The following CSMD3 variants were observed in gnomAD, a reference collection of about 807,000 sequenced individuals.
The protein encoded by CSMD3 is CUB and sushi domain-containing protein 3.
In CSMD3, 177 loss-of-function variants were observed where a neutral mutation model predicts 435.2. That is an observed-to-expected ratio of 0.41 (90% CI 0.36 to 0.46). The LOEUF is 0.46. Ranked by LOEUF, CSMD3 falls within the 20% of genes least tolerant of loss-of-function variation. The probability of loss-of-function intolerance (pLI) is 0.34; values close to 1 mark genes in which losing one functional copy is unlikely to be tolerated. For missense variants in CSMD3, 4,265 were observed against 4,504.6 expected, an observed-to-expected ratio of 0.95 and a Z score of 1.52; for synonymous variants, 1,656 against 1,520.5, an observed-to-expected ratio of 1.09 and a Z score of -2.07.
chr8:112,700,738 A>C (rs2076372446), intron 13 of CSMD3, among the ~76,000 whole-genome samples: 2 of 152,076 alleles, frequency 1.3e-5, no homozygotes, highest in African/African-American at 4.8e-5. Flanking sequence ...AACATAAACT[A>C]CTATAGCAGC....
chr8:112,665,732 T>C (rs1246967462), intron 17 of CSMD3, among the ~76,000 whole-genome samples: 2 of 152,168 alleles, frequency 1.3e-5, no homozygotes, highest in Admixed American at 6.6e-5. Flanking sequence ...ATTTAAAATA[T>C]ACAATATTAT....
At chr8:112,624,491 C>A (rs149885277) in intron 22 of CSMD3, among the ~76,000 whole-genome samples, 3 of 152,130 alleles carry the variant, frequency 2.0e-5, no homozygotes, top group African/African-American at 4.8e-5. Flanking sequence ...AAGTAAAGAA[C>A]CTTAGCCATG....
intron 40 of CSMD3, among the ~76,000 whole-genome samples, chr8:112,348,904 A>T (rs1825904364): frequency 1.3e-5 from 2 of 152,042 alleles, no homozygotes; most frequent in East Asian, 1.9e-4. Context: ...AAAATTGATA[A>T]TTTTTTAAGA....
chr8:113,269,879 A>T (rs1468889481), intron 3 of CSMD3, among the ~76,000 whole-genome samples: 2 of 151,760 alleles, frequency 1.3e-5, no homozygotes, highest in South Asian at 2.1e-4. Flanking sequence ...AACCTAGGCA[A>T]TACCATTCAG....
chr8:112,715,749 G>C (rs2076711332), intron 13 of CSMD3, among the ~76,000 whole-genome samples: 1 of 152,142 alleles, frequency 6.6e-6, no homozygotes, highest in Admixed American at 6.6e-5. Context: ...CTTCATCCCT[G>C]GAATGCAACG....
intron 16 of CSMD3, among the ~76,000 whole-genome samples, chr8:112,681,521 G>A (rs1371248070): frequency 6.6e-6 from 1 of 151,948 alleles, no homozygotes; most frequent in Non-Finnish European, 1.5e-5. Flanking sequence ...TTTTAATTAT[G>A]ATCATCCTTC....
At chr8:112,942,150 G>C (rs557707791) in intron 9 of CSMD3, among the ~76,000 whole-genome samples, 1 of 146,684 alleles carries the variant, frequency 6.8e-6, no homozygotes, top group East Asian at 2.0e-4. Flanking sequence ...TTTTTTTACT[G>C]TCTCTGTAGT....
intron 3 of CSMD3, among the ~76,000 whole-genome samples, chr8:113,270,032 C>T (rs1413189287): frequency 2.0e-5 from 3 of 151,352 alleles, no homozygotes; most frequent in Admixed American, 6.6e-5. Flanking sequence ...AGGCAACCTA[C>T]AGAATGGGAG....
At chr8:112,908,413 A>G (rs1223865556) in intron 10 of CSMD3, among the ~76,000 whole-genome samples, 1 of 151,484 alleles carries the variant, frequency 6.6e-6, no homozygotes, top group East Asian at 2.0e-4. Context: ...TTATATCTTT[A>G]TAACTTTGTA....
chr8:113,173,771 G>A lies in CSMD3; in HGVS notation c.660C>T (p.Ala220=). 2 of 1,613,728 alleles carry A rather than the reference G, an allele frequency of 1.2e-6. No individual in the cohort carries two copies. The highest frequency in any genetic ancestry group is 1.1e-5 in the South Asian group (1 of 91,078). Residue 220 remains alanine, a synonymous_variant, in exon 4 of 71, where the codon GCC becomes GCT. Coordinates refer to ENST00000297405, the MANE Select transcript of CSMD3 (RefSeq NM_198123.2). ...LDGHPQLTCI[A]NSVNTASWDF... ...CCCACGAAGCTGTATTAACTGAATT[G>A]GCTATGCAGGTGAGCTGAGGGTGGC...
At chr8:112,587,660 T>A (rs1246183594) in intron 22 of CSMD3, among the ~76,000 whole-genome samples, 1 of 151,940 alleles carries the variant, frequency 6.6e-6, no homozygotes, top group Non-Finnish European at 1.5e-5. Flanking sequence ...TTTAATTAAT[T>A]TGACCCTTCT....
intron 6 of CSMD3, among the ~76,000 whole-genome samples, chr8:112,977,686 G>T (rs2130944776): frequency 6.6e-6 from 1 of 152,072 alleles, no homozygotes; most frequent in South Asian, 2.1e-4. Flanking sequence ...TTTGTATTTT[G>T]AAAGAGCCAA....
intron 3 of CSMD3, among the ~76,000 whole-genome samples, chr8:113,206,354 G>A (rs902686225): frequency 6.6e-6 from 1 of 151,966 alleles, no homozygotes; most frequent in Non-Finnish European, 1.5e-5. Flanking sequence ...AATTTTCAAT[G>A]TTTCATTATT....
intron 6 of CSMD3, among the ~76,000 whole-genome samples, chr8:113,016,650 A>G (rs984701161): frequency 9.9e-5 from 15 of 151,924 alleles, no homozygotes; most frequent in African/African-American, 3.4e-4. Context: ...TGAGTTATTT[A>G]GAAACTGAGC....
Position 112,295,945 on chromosome 8 carries a change from T to A in CSMD3, c.8502A>T (p.Gly2834=), listed in dbSNP as rs748274791. ...ATTGATATACAACTGTGTCTCTATA[T>A]CCATAATTTTCTCCAATGACTTGAC... ...VNGQVIGENY[G]YRDTVVYQCN... The change falls in exon 54 of 71, where the codon GGA becomes GGT. Residue 2834 remains glycine (G), a synonymous_variant. Coordinates refer to ENST00000297405, the MANE Select transcript of CSMD3 (RefSeq NM_198123.2). 2 of 1,613,652 alleles carry A rather than the reference T, an allele frequency of 1.2e-6. No individual in the cohort carries two copies. Among genetic ancestry groups the A allele is most frequent in the South Asian group, 1.1e-5 (1 of 91,070 alleles).
intron 6 of CSMD3, among the ~76,000 whole-genome samples, chr8:112,992,846 G>C (rs548907327): frequency 6.9e-4 from 105 of 151,208 alleles, no homozygotes; most frequent in African/African-American, 2.5e-3. Context: ...TTTGTGTAGG[G>C]AGTTGATGAA....
intron 4 of CSMD3, among the ~76,000 whole-genome samples, chr8:113,133,098 G>T (rs1343729178): frequency 6.6e-6 from 1 of 151,954 alleles, no homozygotes; most frequent in African/African-American, 2.4e-5. Context: ...AAATGTTTGT[G>T]AATCAAAAGG....
intron 1 of CSMD3, among the ~76,000 whole-genome samples, chr8:113,418,840 A>G (rs1290755258): frequency 6.6e-6 from 1 of 152,220 alleles, no homozygotes; most frequent in Non-Finnish European, 1.5e-5. Flanking sequence ...ATGGTCAAAG[A>G]AGAATGACAG....
chr8:112,327,090 C>T lies in CSMD3; in HGVS notation c.7166-7109G>A, dbSNP rs539745898. On this transcript the variant is annotated intron_variant, in intron 45 of 70. Coordinates refer to ENST00000297405, the MANE Select transcript of CSMD3 (RefSeq NM_198123.2). ...TTGTTTTACATTGATGTACCTTATACTGTAGTATAAAATCCATGAGTTTAG... is the reference window on the plus strand; with the variant it reads ...TTGTTTTACATTGATGTACCTTATATTGTAGTATAAAATCCATGAGTTTAG... Among the ~76,000 whole-genome samples, 23 of 152,194 alleles carry T rather than the reference C, an allele frequency of 1.5e-4. No individual in the cohort carries two copies. The South Asian group carries it at 4.8e-3, about 32-fold the overall frequency.
Sources: gnomAD v4.1 joint callset for allele counts (sites outside exome capture counted in the v4.1 genomes callset) on GRCh38, gnomAD v4.1.1 for gene constraint, MANE v1.5 for transcripts, NCBI Gene and HGNC (gene_info 2026-07-23, HGNC 2026-07-21) for gene names.